Variants in DIP2C observed in about 807,000 individuals in gnomAD.
DIP2C encodes DIP2 acetate--CoA ligase C (putative).
DIP2C carries 33 observed loss-of-function variants against 192.4 expected under a neutral mutation model. That is an observed-to-expected ratio of 0.17 (90% CI 0.13 to 0.23). The LOEUF is 0.23. Ranked by LOEUF, DIP2C falls within the 10% of genes least tolerant of loss-of-function variation. The pLI is 1.00. For missense variants in DIP2C, 1,537 were observed against 2,110.1 expected (o/e 0.73, Z 5.32); for synonymous variants, 979 against 864.1 (o/e 1.13, Z -2.33).
At chr10:657,903 G>C in intron 1 of DIP2C, among the ~76,000 whole-genome samples, 1 of 152,080 alleles carries the variant, frequency 6.6e-6, no homozygotes, top group African/African-American at 2.4e-5. Context: ...ACCTGCCGCT[G>C]GACCTGCCAC....
At chr10:612,315 A>AC (rs1418428183) in intron 1 of DIP2C, among the ~76,000 whole-genome samples, 2 of 151,956 alleles carry the variant, frequency 1.3e-5, no homozygotes, top group Non-Finnish European at 2.9e-5. Flanking sequence ...AAACCAATAC[A>AC]CCCACTTAAT....
At chr10:547,290 G>T (rs1848335367) in intron 1 of DIP2C, among the ~76,000 whole-genome samples, 1 of 152,170 alleles carries the variant, frequency 6.6e-6, no homozygotes, top group South Asian at 2.1e-4. Context: ...CCAGCCTACA[G>T]GGAGAAGCAT....
chr10:470,447 C>T (rs1340076818), intron 3 of DIP2C, among the ~76,000 whole-genome samples: 1 of 152,160 alleles, frequency 6.6e-6, no homozygotes, highest in Non-Finnish European at 1.5e-5. Context: ...TCTTCCACAC[C>T]TTCCTGCCTT....
chr10:435,507 G>T (rs977802245), intron 4 of DIP2C, among the ~76,000 whole-genome samples: 1 of 152,180 alleles, frequency 6.6e-6, no homozygotes, highest in African/African-American at 2.4e-5. Context: ...ACAGCAATTT[G>T]TCAATTCCAG....
intron 3 of DIP2C, among the ~76,000 whole-genome samples, chr10:469,440 T>C (rs1970463059): frequency 6.6e-6 from 1 of 151,670 alleles, no homozygotes. Context: ...CCTCAGCCTC[T>C]GGAATAGCTG....
At chr10:616,075 G>A (rs904370551) in intron 1 of DIP2C, among the ~76,000 whole-genome samples, 7 of 152,170 alleles carry the variant, frequency 4.6e-5, no homozygotes, top group Admixed American at 6.5e-5. Flanking sequence ...TCCTCCTTGA[G>A]TGTAATGACT....
At chr10:617,384 G>A (rs1853542114) in intron 1 of DIP2C, among the ~76,000 whole-genome samples, 1 of 152,174 alleles carries the variant, frequency 6.6e-6, no homozygotes, top group African/African-American at 2.4e-5. Flanking sequence ...AGATGGGAAT[G>A]GTAACTGAAC....
At chr10:674,843 T>C (rs1307590399) in intron 1 of DIP2C, among the ~76,000 whole-genome samples, 1 of 123,568 alleles carries the variant, frequency 8.1e-6, no homozygotes, top group Non-Finnish European at 1.7e-5. Flanking sequence ...AACACAACAA[T>C]AGTAGGGGCT....
At chr10:334,737 T>C (rs1957674591) in intron 29 of DIP2C, among the ~76,000 whole-genome samples, 1 of 152,212 alleles carries the variant, frequency 6.6e-6, no homozygotes, top group Non-Finnish European at 1.5e-5. Flanking sequence ...TATTTGACCA[T>C]AAATATAAGG....
At chr10:314,488 A>G (rs1402045155) in intron 31 of DIP2C, among the ~76,000 whole-genome samples, 1 of 152,132 alleles carries the variant, frequency 6.6e-6, no homozygotes, top group Non-Finnish European at 1.5e-5. Flanking sequence ...ACCAGCCAGG[A>G]TTTCCTTAAA....
At chr10:513,252 A>C (rs1478235909) in intron 1 of DIP2C, among the ~76,000 whole-genome samples, 1 of 152,240 alleles carries the variant, frequency 6.6e-6, no homozygotes, top group Admixed American at 6.5e-5. Context: ...CAAAAGAAAT[A>C]AACATAAGCT....
intron 1 of DIP2C, among the ~76,000 whole-genome samples, chr10:510,896 C>A (rs1303063567): frequency 6.6e-6 from 1 of 152,202 alleles, no homozygotes; most frequent in African/African-American, 2.4e-5. Context: ...GTGGGACAGC[C>A]AGGACATCAC....
chr10:552,577 G>A (rs1169918471), intron 1 of DIP2C, among the ~76,000 whole-genome samples: 5 of 152,254 alleles, frequency 3.3e-5, no homozygotes, highest in African/African-American at 7.2e-5. Context: ...CTGGCCGGGT[G>A]CAGTGGTTCA....
intron 1 of DIP2C, among the ~76,000 whole-genome samples, chr10:521,784 T>TA (rs1391286540): frequency 6.6e-6 from 1 of 152,190 alleles, no homozygotes; most frequent in African/African-American, 2.4e-5. Flanking sequence ...ATAGACTTTT[T>TA]AAAAAGCGGT....
At chr10:630,750 C>G (rs1158510341) in intron 1 of DIP2C, 1 of 152,286 alleles carries the variant, frequency 6.6e-6, no homozygotes, top group Non-Finnish European at 1.5e-5. Flanking sequence ...CCTCATAAGT[C>G]TTGCTAGGGG....
At chr10:603,818 G>A (rs1368268959) in intron 1 of DIP2C, among the ~76,000 whole-genome samples, 1 of 152,146 alleles carries the variant, frequency 6.6e-6, no homozygotes, top group Non-Finnish European at 1.5e-5. Context: ...GAAGTCAAGG[G>A]GTCAGTAGGC....
intron 17 of DIP2C, chr10:369,968 C>G: frequency 1.0e-6 from 1 of 985,428 alleles, no homozygotes; most frequent in South Asian, 4.7e-5. Flanking sequence ...GACCAGCTCT[C>G]TCTTTCCTCC....
At chr10:331,791 A>G (rs1259396833) in intron 29 of DIP2C, among the ~76,000 whole-genome samples, 5 of 152,226 alleles carry the variant, frequency 3.3e-5, no homozygotes, top group Non-Finnish European at 7.3e-5. Flanking sequence ...CTTTGAGAAC[A>G]GGGTTAGGCA....
chr10:577,022 C>G (rs535619032), intron 1 of DIP2C, among the ~76,000 whole-genome samples: 1 of 152,280 alleles, frequency 6.6e-6, no homozygotes, highest in East Asian at 1.9e-4. Flanking sequence ...CCAGTTTTTT[C>G]TTACTTCGTT....
Sources: gnomAD v4.1 joint callset for allele counts (sites outside exome capture counted in the v4.1 genomes callset) on GRCh38, gnomAD v4.1.1 for gene constraint, MANE v1.5 for transcripts, NCBI Gene and HGNC (gene_info 2026-07-23, HGNC 2026-07-21) for gene names.